The following GPC6 variants were observed in gnomAD, a reference collection of about 807,000 sequenced individuals.
GPC6 encodes the protein glypican-6.
Under a neutral mutation model 55.2 loss-of-function variants are expected in GPC6, and 14 were observed. That is an observed-to-expected ratio of 0.25 (90% CI 0.17 to 0.40). The LOEUF (loss-of-function observed/expected upper bound fraction) is 0.40, where lower values mean the gene tolerates loss of function less well. Ranked by LOEUF, GPC6 falls within the 10% of genes least tolerant of loss-of-function variation. The pLI is 1.00. For missense variants in GPC6, 641 were observed against 708.5 expected (o/e 0.90, Z 1.08); for synonymous variants, 278 against 259.6 (o/e 1.07, Z -0.68).
intron 3 of GPC6, among the ~76,000 whole-genome samples, chr13:93,943,085 G>A (rs541185966): frequency 5.9e-5 from 9 of 152,210 alleles, no homozygotes; most frequent in African/African-American, 1.7e-4. Flanking sequence ...TTTATTGCAC[G>A]TATCCTCAGT....
intron 2 of GPC6, among the ~76,000 whole-genome samples, chr13:93,800,363 T>C (rs1230111874): frequency 6.6e-6 from 1 of 152,174 alleles, no homozygotes; most frequent in Admixed American, 6.5e-5. Flanking sequence ...GCTCGTCAGC[T>C]TGAATTAAAA....
chr13:93,372,037 G>T (rs933288700), intron 1 of GPC6, among the ~76,000 whole-genome samples: 1 of 152,104 alleles, frequency 6.6e-6, no homozygotes, highest in East Asian at 1.9e-4. Flanking sequence ...GCCTATTTCT[G>T]AAGTGATGAG....
At position 94,016,134 on chromosome 13, in the gene GPC6, G is replaced by A. The variant is rs74778944; in HGVS notation, c.712-11595G>A. ...ATACTTCATATAAGTAGAATCATGC[G>A]GTATCTGTCCTTTTGTGACTGGCTT... On this transcript the variant is annotated intron_variant, in intron 3 of 8. Transcript: ENST00000377047. Among the ~76,000 whole-genome samples the A allele has an allele frequency of 8.5e-3, 1,288 of 152,168 alleles. 19 individuals are homozygous for A. The highest frequency in any genetic ancestry group is 0.029 in the African/African-American group (1,213 of 41,512).
In GPC6 at chr13:93,910,435, C is replaced by G. The variant is rs1336450330; in HGVS notation, c.711+79890C>G. Among the ~76,000 whole-genome samples, 3 of 151,856 alleles carry G rather than the reference C, an allele frequency of 2.0e-5. No individual in the cohort carries two copies. The South Asian group carries it at 6.3e-4, about 32-fold the overall frequency. On this transcript the variant is annotated intron_variant, in intron 3 of 8. Transcript: ENST00000377047. ...GTCTCAGATATATCTTTATTAGCAGCATGAGAACTAATACAATGTGTGTGT... is the reference window on the plus strand; with the variant it reads ...GTCTCAGATATATCTTTATTAGCAGGATGAGAACTAATACAATGTGTGTGT...
intron 1 of GPC6, among the ~76,000 whole-genome samples, chr13:93,492,858 C>T (rs1440866279): frequency 1.3e-5 from 2 of 148,590 alleles, no homozygotes; most frequent in Non-Finnish European, 3.0e-5. Context: ...AGCCTTGCAT[C>T]CCAGGGATGA....
intron 3 of GPC6, among the ~76,000 whole-genome samples, chr13:93,933,021 T>C (rs1335559993): frequency 6.6e-6 from 1 of 150,744 alleles, no homozygotes; most frequent in African/African-American, 2.4e-5. Context: ...GAATTGGTTT[T>C]CTTGCATTTC....
chr13:93,655,759 T>C (rs184465913), intron 2 of GPC6, among the ~76,000 whole-genome samples: 4 of 152,276 alleles, frequency 2.6e-5, no homozygotes, highest in Non-Finnish European at 4.4e-5. Flanking sequence ...AAATGTTACG[T>C]TAAATTCACA....
At chr13:93,530,699 T>G (rs1881833179) in intron 1 of GPC6, among the ~76,000 whole-genome samples, 1 of 152,222 alleles carries the variant, frequency 6.6e-6, no homozygotes, top group African/African-American at 2.4e-5. Flanking sequence ...TACAATTAAA[T>G]TATGTTAAAA....
chr13:93,428,219 GTATAATA>G (rs1877222810), intron 1 of GPC6, among the ~76,000 whole-genome samples: 1 of 152,128 alleles, frequency 6.6e-6, no homozygotes, highest in South Asian at 2.1e-4. Context: ...GAGGATTTAT[GTATAATA>G]TAATAACACA....
Position 94,122,676 on chromosome 13 carries a change from T to C in GPC6, c.877+94782T>C, listed in dbSNP as rs182771847. Among the ~76,000 whole-genome samples the C allele has an allele frequency of 9.8e-4, 149 of 152,228 alleles. 2 individuals are homozygous for C. In the East Asian group the frequency reaches 0.02, roughly 21 times the overall value. Reference sequence around the variant, plus strand: ...CCAGGCTAAACTCTAGTTCTTTCATTCACTACTCTGCACACGTCATAAATC... The same window carrying C: ...CCAGGCTAAACTCTAGTTCTTTCATCCACTACTCTGCACACGTCATAAATC... On this transcript the variant is annotated intron_variant, in intron 4 of 8. Coordinates refer to ENST00000377047, the MANE Select transcript of GPC6 (RefSeq NM_005708.5).
intron 3 of GPC6, among the ~76,000 whole-genome samples, chr13:93,867,591 C>A (rs578112341): frequency 6.6e-6 from 1 of 151,856 alleles, no homozygotes; most frequent in East Asian, 2.0e-4. Flanking sequence ...AAACTCTTCT[C>A]GGAAACCCTT....
intron 1 of GPC6, among the ~76,000 whole-genome samples, chr13:93,386,758 G>T (rs1030672635): frequency 2.0e-5 from 3 of 152,166 alleles, no homozygotes; most frequent in Admixed American, 2.0e-4. Context: ...TTGGAGACCA[G>T]AAATCAGAAA....
At chr13:93,322,438 T>C (rs1233222916) in intron 1 of GPC6, among the ~76,000 whole-genome samples, 6 of 142,356 alleles carry the variant, frequency 4.2e-5, no homozygotes, top group African/African-American at 1.6e-4. Flanking sequence ...CTTCTTTTTT[T>C]TTTTTTTTTT....
At chr13:93,830,131 A>T in intron 2 of GPC6, 23 bp from the exon 3 acceptor site, 1 of 1,591,740 alleles carries the variant, frequency 6.3e-7, no homozygotes, top group Non-Finnish European at 8.6e-7. Context: ...TTAATTTATG[A>T]CTTCTTTCTG....
intron 6 of GPC6, among the ~76,000 whole-genome samples, chr13:94,377,648 G>A (rs1242893914): frequency 6.6e-6 from 1 of 151,780 alleles, no homozygotes; most frequent in East Asian, 1.9e-4. Context: ...CGATTCCTCA[G>A]GGATCTAGAA....
At chr13:94,377,066 C>T (rs9516408) in intron 6 of GPC6, among the ~76,000 whole-genome samples, 16,774 of 150,568 alleles carry the variant, frequency 0.11, 1,060 homozygotes, top group East Asian at 0.3. Context: ...GGATTAAAGA[C>T]TTAAACATTA....
intron 4 of GPC6, among the ~76,000 whole-genome samples, chr13:94,281,747 A>C (rs1892389697): frequency 6.6e-6 from 1 of 152,230 alleles, no homozygotes; most frequent in African/African-American, 2.4e-5. Context: ...ATACTTAGAC[A>C]AAAATCAGAA....
At chr13:93,545,216 C>A in intron 1 of GPC6, 47 bp from the exon 2 acceptor site, 1 of 1,533,320 alleles carries the variant, frequency 6.5e-7, no homozygotes, top group Non-Finnish European at 9.0e-7. Flanking sequence ...CTAACGTCTA[C>A]CAAAAGTCCT....
intron 4 of GPC6, among the ~76,000 whole-genome samples, chr13:94,206,155 A>G (rs1789284802): frequency 6.6e-6 from 1 of 152,230 alleles, no homozygotes; most frequent in African/African-American, 2.4e-5. Context: ...TTATATTTAT[A>G]AAATAATGGG....
Sources: allele counts gnomAD v4.1 joint callset (sites outside exome capture counted in the v4.1 genomes callset), GRCh38; gene constraint gnomAD v4.1.1; transcripts MANE v1.5; gene names NCBI Gene and HGNC (gene_info 2026-07-23, HGNC 2026-07-21).